Variants in CDR2 observed in about 807,000 individuals in gnomAD.
The protein encoded by CDR2 is cerebellar degeneration-related protein 2.
Under a neutral mutation model 48.4 loss-of-function variants are expected in CDR2, and 34 were observed. The ratio of observed to expected loss-of-function variants is 0.70; its 90% CI spans 0.53 to 0.94. The LOEUF is 0.94. Ranked by LOEUF, CDR2 falls within the 40% of genes least tolerant of loss-of-function variation. CDR2 has a pLI of 0.00. For missense variants in CDR2, 498 were observed against 549.5 expected (o/e 0.91, Z 0.94); for synonymous variants, 240 against 219.7 (o/e 1.09, Z -0.82).
intron 2 of CDR2, among the ~76,000 whole-genome samples, chr16:22,359,342 A>C (rs2048996774): frequency 6.6e-6 from 1 of 152,062 alleles, no homozygotes; most frequent in Non-Finnish European, 1.5e-5. Flanking sequence ...GGCCAGGCTT[A>C]TCTTGAACTC....
In CDR2 at chr16:22,352,429, A is replaced by T. The variant is rs906097587; in HGVS notation, c.193-2580T>A. Among the ~76,000 whole-genome samples, 4 of 152,094 alleles carry T rather than the reference A, an allele frequency of 2.6e-5. No individual in the cohort carries two copies. In the East Asian group the frequency reaches 7.7e-4, roughly 29 times the overall value. On this transcript the variant is annotated intron_variant, in intron 2 of 4. Transcript: ENST00000268383. ...GCAGCAAAGAGTTGAACAAACACTT[A>T]ACCTAACTTCAACTTTCTCATCTGA... is the stretch of plus-strand genomic sequence containing the variant.
intron 4 of CDR2, 194 bp downstream of exon 4, chr16:22,349,085 G>T: frequency 1.8e-6 from 1 of 556,696 alleles, no homozygotes; most frequent in Non-Finnish European, 3.2e-6. Context: ...AGTGTTCCAA[G>T]ACTTTCAAAA....
At chr16:22,365,554 C>T (rs928012189) in intron 1 of CDR2, among the ~76,000 whole-genome samples, 7 of 152,162 alleles carry the variant, frequency 4.6e-5, no homozygotes, top group Admixed American at 1.3e-4. Context: ...TACTTCTCTT[C>T]GTGTCCTTCT....
In CDR2 at chr16:22,374,498, C is replaced by T. The variant is rs2049105337; in HGVS notation, c.-189G>A. On this transcript the variant is annotated 5_prime_UTR_variant, in exon 1 of 5. Transcript: ENST00000268383. ...GCCGCCGACCGGCCGGCTGCCTCGA[C>T]TCGCCTCGCGCCTACCGACGGCCCC... 2 of 238,334 alleles carry T rather than the reference C, an allele frequency of 8.4e-6. No individual in the cohort carries two copies. Among genetic ancestry groups the T allele is most frequent in the African/African-American group, 2.3e-5 (1 of 43,596 alleles). The allele number at this position is 238,334 out of a possible 1,614,324, so 14.8% of individuals were successfully genotyped here.
chr16:22,364,775 CA>C (rs1245297989), intron 2 of CDR2, 126 bp downstream of exon 2: 3 of 583,018 alleles, frequency 5.1e-6, no homozygotes, highest in Non-Finnish European at 9.3e-6. Context: ...TTCTCATTCT[CA>C]AAAAAGTTTG....
chr16:22,374,149 A>C (rs1410769031), intron 1 of CDR2, 82 bp downstream of exon 1: 5 of 951,742 alleles, frequency 5.3e-6, no homozygotes, highest in African/African-American at 3.5e-5. Flanking sequence ...CCGCCGCCAC[A>C]AAAAGCAACT....
At position 22,374,223 on chromosome 16, in the gene CDR2, GC is replaced by G. The variant is rs1413035196; in HGVS notation, c.79+7del. ...CGCCGCCCGCCCGCGGGGCGCCCCC[GC>G]CCTCACCTTGCTGGAGGTCCTGGTG... On this transcript the variant is annotated splice_region_variant and intron_variant, in intron 1 of 4. Coordinates refer to ENST00000268383, the MANE Select transcript of CDR2 (RefSeq NM_001802.2). 3.8e-6 allele frequency: 6 copies of G among 1,581,450 alleles called. No homozygotes were observed. The Admixed American group carries it at 1.0e-4, about 27-fold the overall frequency.
intron 2 of CDR2, among the ~76,000 whole-genome samples, chr16:22,361,537 C>A (rs2049010372): frequency 6.6e-6 from 1 of 152,210 alleles, no homozygotes; most frequent in Non-Finnish European, 1.5e-5. Flanking sequence ...TACATCTGCC[C>A]AGGCACAGTT....
intron 1 of CDR2, among the ~76,000 whole-genome samples, chr16:22,368,272 C>T (rs920554453): frequency 6.6e-6 from 1 of 152,026 alleles, no homozygotes; most frequent in African/African-American, 2.4e-5. Flanking sequence ...GGCAGTGGTG[C>T]GATCTCGGCT....
At chr16:22,351,386 G>C (rs1049168104) in intron 2 of CDR2, among the ~76,000 whole-genome samples, 15 of 152,082 alleles carry the variant, frequency 9.9e-5, no homozygotes, top group African/African-American at 3.4e-4. Context: ...CCCAGTAATG[G>C]GACTGCTGGG....
intron 2 of CDR2, among the ~76,000 whole-genome samples, chr16:22,361,723 A>G (rs2049011456): frequency 6.6e-6 from 1 of 152,190 alleles, no homozygotes; most frequent in South Asian, 2.1e-4. Flanking sequence ...AACCTAAGAG[A>G]GTAATTATTC....
intron 2 of CDR2, among the ~76,000 whole-genome samples, chr16:22,352,906 A>C (rs1170367689): frequency 6.6e-6 from 1 of 152,200 alleles, no homozygotes; most frequent in Non-Finnish European, 1.5e-5. Context: ...CTTTCTCAGA[A>C]CTAAAGGAGT....
At chr16:22,370,283 C>T (rs908601731) in intron 1 of CDR2, among the ~76,000 whole-genome samples, 7 of 152,066 alleles carry the variant, frequency 4.6e-5, no homozygotes, top group African/African-American at 9.7e-5. Flanking sequence ...AAGCAGAAAA[C>T]CTGAATATAA....
intron 1 of CDR2, among the ~76,000 whole-genome samples, chr16:22,371,895 G>T (rs1598298066): frequency 6.6e-6 from 1 of 151,336 alleles, no homozygotes; most frequent in East Asian, 1.9e-4. Flanking sequence ...TTTTGAGAGG[G>T]AGTTTCGTTC....
rs964449936 is a variant in CDR2 at position 22,347,591 on chromosome 16, C to T, written c.739G>A (p.Ala247Thr). 2 of 1,614,194 alleles carry T rather than the reference C, an allele frequency of 1.2e-6. No individual in the cohort carries two copies. Among genetic ancestry groups the T allele is most frequent in the Non-Finnish European group, 1.7e-6 (2 of 1,180,038 alleles). ...LGATGAYRAR[A>T]LELEAEVAEM... ...GCCACCTCGGCCTCTAGTTCCAGCG[C>T]CCGTGCTCGGTAGGCACCTGTGGCC... The change falls in exon 5 of 5, where the codon GCG becomes ACG. Residue 247 changes from alanine to threonine, a missense_variant. Transcript: ENST00000268383.
chr16:22,358,353 T>C (rs1052548807), intron 2 of CDR2, among the ~76,000 whole-genome samples: 1 of 152,180 alleles, frequency 6.6e-6, no homozygotes, highest in Non-Finnish European at 1.5e-5. Context: ...AAATGTCAAC[T>C]TATAGCAAAA....
chr16:22,351,159 G>A (rs1295478474), intron 2 of CDR2, among the ~76,000 whole-genome samples: 3 of 152,196 alleles, frequency 2.0e-5, no homozygotes, highest in Admixed American at 6.5e-5. Flanking sequence ...GATGGTTTCC[G>A]GCTTCATCCA....
At chr16:22,360,047 G>C (rs999152109) in intron 2 of CDR2, among the ~76,000 whole-genome samples, 1 of 152,208 alleles carries the variant, frequency 6.6e-6, no homozygotes, top group Non-Finnish European at 1.5e-5. Flanking sequence ...GGGATGCCTT[G>C]AAGGCCAGAC....
chr16:22,372,192 A>C (rs1344749105), intron 1 of CDR2, among the ~76,000 whole-genome samples: 1 of 152,060 alleles, frequency 6.6e-6, no homozygotes, highest in Non-Finnish European at 1.5e-5. Flanking sequence ...TTTAAGGTTA[A>C]ACTTGAAGAG....
Sources: allele counts gnomAD v4.1 joint callset (sites outside exome capture counted in the v4.1 genomes callset), GRCh38; gene constraint gnomAD v4.1.1; transcripts MANE v1.5; gene names NCBI Gene and HGNC (gene_info 2026-07-23, HGNC 2026-07-21).